Variants in SUMF2 observed in about 807,000 individuals in gnomAD.
SUMF2 encodes the protein inactive C-alpha-formylglycine-generating enzyme 2.
In SUMF2, 45 loss-of-function variants were observed where a neutral mutation model predicts 44.8. The ratio of observed to expected loss-of-function variants is 1.00; its 90% CI spans 0.79 to 1.29. The LOEUF is 1.29. Among genes scored for constraint, SUMF2 ranks in the 50% most tolerant of loss-of-function variants. The pLI, the probability that SUMF2 is intolerant of heterozygous loss-of-function variation, is 0.00. For synonymous variants in SUMF2, 148 were observed against 150.4 expected, an observed-to-expected ratio of 0.98 and a Z score of 0.12; for missense variants, 418 against 389.9, an observed-to-expected ratio of 1.07 and a Z score of -0.61.
downstream of SUMF2, among the ~76,000 whole-genome samples, chr7:56,083,928 A>ATCAGGGGC (rs1044391450): frequency 2.6e-5 from 4 of 152,196 alleles, no homozygotes; most frequent in African/African-American, 9.7e-5. Flanking sequence ...GGTGGCCCAC[A>ATCAGGGGC]TCAGGGGCTC....
chr7:56,085,522 ATGGTGGTGATGG>A (rs1796214761), downstream of SUMF2, among the ~76,000 whole-genome samples: 2 of 152,208 alleles, frequency 1.3e-5, no homozygotes, highest in African/African-American at 4.8e-5. Context: ...GATGGTGATG[ATGGTGGTGATGG>A]TGATGATGAT....
At chr7:56,074,058 CACTT>C in intron 3 of SUMF2, 112 bp from the exon 4 acceptor site, 1 of 652,630 alleles carries the variant, frequency 1.5e-6, no homozygotes, top group Non-Finnish European at 2.8e-6. Flanking sequence ...GCCACAACCT[CACTT>C]AGACCACCTG....
the SUMF2 span, chr7:56,087,575 T>C: frequency 1.2e-6 from 2 of 1,602,612 alleles, no homozygotes; most frequent in African/African-American, 1.3e-5. Context: ...CACCCTGCCG[T>C]GTGGCTTGGG....
downstream of SUMF2, among the ~76,000 whole-genome samples, chr7:56,084,610 G>A (rs1351001708): frequency 6.6e-6 from 1 of 151,770 alleles, no homozygotes; most frequent in Non-Finnish European, 1.5e-5. Context: ...CTGACCTCAG[G>A]TGATCACCCG....
At chr7:56,081,390 C>A, downstream of SUMF2, 1 of 1,478,640 alleles carries the variant, frequency 6.8e-7, no homozygotes, top group South Asian at 1.3e-5. This position sits in a 1 kb window ranked among gnomAD's most constrained non-coding sequence, Gnocchi z 4.6. Context: ...TCGTTTGCCA[C>A]GAAGCCTTGG....
chr7:56,084,575 T>C (rs1796171114), downstream of SUMF2, among the ~76,000 whole-genome samples: 1 of 152,068 alleles, frequency 6.6e-6, no homozygotes, highest in African/African-American at 2.4e-5. Flanking sequence ...CGTTTCATCA[T>C]GTTGCCCAGG....
At chr7:56,081,199 A>T (rs1795963811), downstream of SUMF2, 1 of 1,613,784 alleles carries the variant, frequency 6.2e-7, no homozygotes, top group Non-Finnish European at 8.5e-7. The surrounding 1 kb of genome is among the most constrained non-coding windows in gnomAD (Gnocchi z 4.6). Flanking sequence ...CAGAGGCCGG[A>T]GGGCATAGGG....
chr7:56,087,558 A>G, the SUMF2 span: 4 of 1,588,432 alleles, frequency 2.5e-6, no homozygotes, highest in Admixed American at 1.7e-5. Context: ...GCAGAATCAC[A>G]GGGGGGCACC....
intron 5 of SUMF2, among the ~76,000 whole-genome samples, chr7:56,076,257 ACCT>A (rs921852935): frequency 6.6e-6 from 1 of 150,452 alleles, no homozygotes; most frequent in African/African-American, 2.5e-5. Context: ...CGATCTCCTG[ACCT>A]CCTGATCCGT....
chr7:56,079,918 G>A lies in SUMF2; in HGVS notation c.*306G>A. On this transcript the variant is annotated 3_prime_UTR_variant, in exon 9 of 9. Coordinates refer to ENST00000434526, the MANE Select transcript of SUMF2 (RefSeq NM_015411.4). The stretch of plus-strand genomic sequence containing the variant: ...ACAATTGGAACAGAGCACTCTGAAA[G>A]GCCATTTTTTAAGCATTTTAAAATC... 7.0e-7 allele frequency: 1 copy of A among 1,437,246 alleles called. No homozygotes were observed. The highest frequency in any genetic ancestry group is 9.3e-7 in the Non-Finnish European group (1 of 1,077,752). The allele number at this position is 1,437,246 out of a possible 1,614,324, so 89.0% of individuals were successfully genotyped here.
chr7:56,078,260 A>T (rs1795706189), intron 7 of SUMF2, 74 bp downstream of exon 7: 1 of 1,569,990 alleles, frequency 6.4e-7, no homozygotes, highest in African/African-American at 1.3e-5. Context: ...GAGAGGAGGC[A>T]GAGGGAAGCA....
chr7:56,082,013 C>A, downstream of SUMF2: 1 of 1,613,958 alleles, frequency 6.2e-7, no homozygotes, highest in Non-Finnish European at 8.5e-7. Context: ...GGGAGCCGGC[C>A]AGCAGCGTGT....
chr7:56,085,974 C>CA, the SUMF2 span, among the ~76,000 whole-genome samples: 107 of 133,258 alleles, frequency 8.0e-4, no homozygotes, highest in Admixed American at 1.4e-3. Flanking sequence ...AACTCTGTCT[C>CA]AAAAAAAAAA....
downstream of SUMF2, among the ~76,000 whole-genome samples, chr7:56,082,466 G>A (rs1384874721): frequency 1.3e-5 from 2 of 152,164 alleles, no homozygotes; most frequent in Non-Finnish European, 2.9e-5. Context: ...GGTGGCATGT[G>A]CCTGTAGTCC....
chr7:56,078,083 C>T lies in SUMF2; in HGVS notation c.592-19C>T, dbSNP rs372302946. On this transcript the variant is annotated intron_variant, in intron 6 of 8. Transcript: ENST00000434526. The stretch of plus-strand genomic sequence containing the variant: ...TTGGGACAGGTGGTAAATCCTTTAC[C>T]CTTCCTTTCTCCCATCAGGGAAAGT... 1.9e-6 allele frequency: 3 copies of T among 1,601,454 alleles called. No individual in the cohort carries two copies. The highest frequency in any genetic ancestry group is 2.6e-6 in the Non-Finnish European group (3 of 1,170,302).
chr7:56,078,903 T>C, intron 8 of SUMF2: 1 of 215,314 alleles, frequency 4.6e-6, no homozygotes, highest in Non-Finnish European at 9.2e-6. Context: ...ACGAAAAATC[T>C]TTTTTTTTTT....
rs202150979 is a variant in SUMF2 at position 56,064,289 on chromosome 7, C to T, written c.-23C>T. On this transcript the variant is annotated 5_prime_UTR_variant, in exon 1 of 9. It adds an upstream start codon to the 5' untranslated region. Coordinates refer to ENST00000434526, the MANE Select transcript of SUMF2 (RefSeq NM_015411.4). ...CATGCGCAGCGGGGCCGTGGGTGTA[C>T]GCGGCGCAGCGCGGCAGTCCTGATG... The T allele has an allele frequency of 1.9e-4, 302 of 1,575,470 alleles. 2 individuals are homozygous for T. In the African/African-American group the frequency reaches 3.2e-3, roughly 17 times the overall value.
In SUMF2 at chr7:56,080,079, C is replaced by T. The variant is rs1000776892; in HGVS notation, c.*467C>T. ...TTCTTTGTGGCCTCATCTGTGGTTT[C>T]GTGTCCCTCTGAAGGAAACTAGTTT... On this transcript the variant is annotated 3_prime_UTR_variant, in exon 9 of 9. Coordinates refer to ENST00000434526, the MANE Select transcript of SUMF2 (RefSeq NM_015411.4). 45 of 578,658 alleles carry T rather than the reference C, an allele frequency of 7.8e-5. No homozygotes were observed. Among genetic ancestry groups the T allele is most frequent in the Non-Finnish European group, 1.1e-4 (36 of 329,884 alleles). 35.8% of individuals were successfully genotyped at this position (578,658 alleles called of 1,614,324 possible).
chr7:56,074,298 G>C (rs1218683710), intron 4 of SUMF2, 80 bp downstream of exon 4: 1 of 1,403,862 alleles, frequency 7.1e-7, no homozygotes, highest in Non-Finnish European at 1.0e-6. Context: ...TCTACCCCTC[G>C]TACATCCAGG....
Sources: gnomAD v4.1 joint callset for allele counts (sites outside exome capture counted in the v4.1 genomes callset) on GRCh38, gnomAD v4.1.1 for gene constraint, Gnocchi (gnomAD v3.1) non-coding constraint, MANE v1.5 for transcripts, NCBI Gene and HGNC (gene_info 2026-07-23, HGNC 2026-07-21) for gene names.